The following LRRC4C variants were observed in gnomAD, a reference collection of about 807,000 sequenced individuals.
LRRC4C encodes leucine rich repeat containing 4C.
A neutral mutation model predicts 33.6 loss-of-function variants in LRRC4C; 5 were observed. That is an observed-to-expected ratio of 0.15 (90% CI 0.08 to 0.31). The LOEUF (loss-of-function observed/expected upper bound fraction) is 0.31, where lower values mean the gene tolerates loss of function less well. Among genes scored for constraint, LRRC4C ranks in the 10% least tolerant of loss-of-function variants. The pLI, the probability that LRRC4C is intolerant of heterozygous loss-of-function variation, is 1.00. For synonymous variants in LRRC4C, 329 were observed against 302.0 expected (o/e 1.09, Z -0.93); for missense variants, 560 against 796.7 (o/e 0.70, Z 3.58).
intron 1 of LRRC4C, among the ~76,000 whole-genome samples, chr11:41,210,876 G>A (rs2136314473): frequency 6.6e-6 from 1 of 152,240 alleles, no homozygotes; most frequent in South Asian, 2.1e-4. Context: ...TGGATGGTTT[G>A]GGGATAAAAC....
chr11:41,376,776 A>G (rs1418302694), intron 1 of LRRC4C, among the ~76,000 whole-genome samples: 3 of 152,168 alleles, frequency 2.0e-5, no homozygotes, highest in Non-Finnish European at 4.4e-5. Context: ...ATTGATAAAA[A>G]TATTTGAGTA....
chr11:40,453,181 T>TAA (rs34916679), intron 3 of LRRC4C, among the ~76,000 whole-genome samples: 3 of 151,842 alleles, frequency 2.0e-5, no homozygotes, highest in Non-Finnish European at 4.4e-5. Flanking sequence ...TAAAGTATAA[T>TAA]AAAAAAATGT....
Position 41,064,674 on chromosome 11 carries a change from C to T in LRRC4C, c.-495-130951G>A, listed in dbSNP as rs193174726. On this transcript the variant is annotated intron_variant, in intron 1 of 6. Coordinates refer to ENST00000528697, the MANE Select transcript of LRRC4C (RefSeq NM_001258419.2). ...AACAGCTCTGTTCTGCAGCTCCAAGCGAGACCAATGCAGAAGGCGGGTGAT... is the reference window on the plus strand; with the variant it reads ...AACAGCTCTGTTCTGCAGCTCCAAGTGAGACCAATGCAGAAGGCGGGTGAT... Among the ~76,000 whole-genome samples, 89 of 152,288 alleles carry T rather than the reference C, an allele frequency of 5.8e-4. 1 individual carries two copies. The highest frequency in any genetic ancestry group is 2.0e-3 in the African/African-American group (84 of 41,574).
chr11:40,609,592 T>C (rs1001634639), intron 3 of LRRC4C, among the ~76,000 whole-genome samples: 4 of 151,554 alleles, frequency 2.6e-5, no homozygotes, highest in Admixed American at 1.3e-4. Context: ...AGAAAAACAA[T>C]AGAAAAAAAC....
chr11:41,056,446 T>G (rs958490031), intron 1 of LRRC4C, among the ~76,000 whole-genome samples: 1 of 152,022 alleles, frequency 6.6e-6, no homozygotes. Flanking sequence ...CTCCTGCACA[T>G]CAAAAGACAT....
chr11:40,120,522 A>G (rs549325058), intron 6 of LRRC4C, among the ~76,000 whole-genome samples: 1 of 152,180 alleles, frequency 6.6e-6, no homozygotes, highest in Non-Finnish European at 1.5e-5. Context: ...TCAGGGGGAG[A>G]GGGCCTATGT....
chr11:40,464,507 A>T (rs1157111392), intron 3 of LRRC4C, among the ~76,000 whole-genome samples: 1 of 152,138 alleles, frequency 6.6e-6, no homozygotes, highest in Non-Finnish European at 1.5e-5. Context: ...TATAAAAGGC[A>T]TTCAAATTGG....
At chr11:41,319,318 G>A (rs559194571) in intron 1 of LRRC4C, among the ~76,000 whole-genome samples, 1 of 152,132 alleles carries the variant, frequency 6.6e-6, no homozygotes, top group Admixed American at 6.5e-5. Flanking sequence ...AATCTGCAAG[G>A]GGTGACCACT....
chr11:40,411,707 G>A (rs1436059647), intron 3 of LRRC4C, among the ~76,000 whole-genome samples: 4 of 151,966 alleles, frequency 2.6e-5, no homozygotes, highest in Non-Finnish European at 5.9e-5. Context: ...TAAGATTACT[G>A]TAATTATAGT....
At chr11:40,369,250 G>A (rs550880957) in intron 3 of LRRC4C, among the ~76,000 whole-genome samples, 35 of 152,282 alleles carry the variant, frequency 2.3e-4, no homozygotes, top group South Asian at 2.1e-4. Context: ...CTGTGAAATT[G>A]CTGGCATTTC....
intron 5 of LRRC4C, among the ~76,000 whole-genome samples, chr11:40,174,927 G>T (rs1434250720): frequency 2.6e-5 from 4 of 152,128 alleles, no homozygotes; most frequent in African/African-American, 9.7e-5. Flanking sequence ...TGATAGAAAT[G>T]GTGCTAAACC....
At chr11:41,311,349 C>CA (rs371395290) in intron 1 of LRRC4C, among the ~76,000 whole-genome samples, 18 of 151,748 alleles carry the variant, frequency 1.2e-4, no homozygotes, top group African/African-American at 4.1e-4. Flanking sequence ...GAAACCAAAA[C>CA]AAAAAACACC....
chr11:40,249,755 C>G (rs1488708698), intron 4 of LRRC4C, among the ~76,000 whole-genome samples: 1 of 151,990 alleles, frequency 6.6e-6, no homozygotes, highest in Non-Finnish European at 1.5e-5. Flanking sequence ...CCAGGACTCT[C>G]TCGCTTTTTT....
intron 3 of LRRC4C, among the ~76,000 whole-genome samples, chr11:40,392,391 A>G (rs1949371585): frequency 6.6e-6 from 1 of 152,164 alleles, no homozygotes; most frequent in Admixed American, 6.5e-5. Context: ...CAAGTTGTTT[A>G]TAATAGAGGA....
intron 6 of LRRC4C, among the ~76,000 whole-genome samples, chr11:40,130,776 A>G (rs547655041): frequency 8.5e-5 from 13 of 152,310 alleles, no homozygotes; most frequent in East Asian, 1.9e-4. Context: ...TTCTTAATAC[A>G]GTCTAGGCTG....
At chr11:40,545,542 G>C (rs1205657184) in intron 3 of LRRC4C, among the ~76,000 whole-genome samples, 4 of 152,022 alleles carry the variant, frequency 2.6e-5, no homozygotes, top group Admixed American at 2.0e-4. Context: ...AGTTTGTGCA[G>C]TTCAGGCAAG....
At chr11:41,238,762 A>C (rs1948125252) in intron 1 of LRRC4C, among the ~76,000 whole-genome samples, 1 of 152,188 alleles carries the variant, frequency 6.6e-6, no homozygotes, top group African/African-American at 2.4e-5. Context: ...ATCATTATAT[A>C]AAGATCCAGT....
intron 2 of LRRC4C, among the ~76,000 whole-genome samples, chr11:40,842,548 A>G (rs1048834879): frequency 6.6e-6 from 1 of 152,136 alleles, no homozygotes. Flanking sequence ...TTATGGTGAG[A>G]ACAGGTAAAA....
At chr11:40,993,565 A>C (rs1389133389) in intron 1 of LRRC4C, among the ~76,000 whole-genome samples, 1 of 151,292 alleles carries the variant, frequency 6.6e-6, no homozygotes, top group Non-Finnish European at 1.5e-5. Flanking sequence ...TTGCTTTTTC[A>C]CTTCCTTTTT....
Sources: allele counts gnomAD v4.1 joint callset (sites outside exome capture counted in the v4.1 genomes callset), GRCh38; gene constraint gnomAD v4.1.1; transcripts MANE v1.5; gene names NCBI Gene and HGNC (gene_info 2026-07-23, HGNC 2026-07-21).